PTCD3: variants seen among roughly 807,000 people sequenced by gnomAD.
The protein encoded by PTCD3 is pentatricopeptide repeat domain 3.
A neutral mutation model predicts 101.9 loss-of-function variants in PTCD3; 89 were observed. The observed-to-expected ratio is 0.87, with a 90% CI of 0.74 to 1.04. The LOEUF (loss-of-function observed/expected upper bound fraction) is 1.04. Ranked by LOEUF, PTCD3 falls within the 50% of genes least tolerant of loss-of-function variation. The pLI, the probability that PTCD3 is intolerant of heterozygous loss-of-function variation, is 0.00. For missense variants in PTCD3, 870 were observed against 828.2 expected (o/e 1.05, Z -0.62); for synonymous variants, 296 against 278.5 (o/e 1.06, Z -0.63).
intron 6 of PTCD3, 23 bp from the exon 7 acceptor site, chr2:86,118,898 C>T (rs747870829): frequency 1.9e-5 from 30 of 1,606,706 alleles, no homozygotes; most frequent in Non-Finnish European, 2.5e-5. Context: ...TTTGTAGTAA[C>T]TTTAGTCATC....
chr2:86,106,541 G>A (rs946020842), intron 1 of PTCD3, among the ~76,000 whole-genome samples, 190 bp downstream of exon 1: 21 of 152,222 alleles, frequency 1.4e-4, no homozygotes, highest in African/African-American at 4.6e-4. Flanking sequence ...TTATTCATTA[G>A]AGAAATACTT....
In PTCD3 at chr2:86,116,418, C is replaced by A. The variant is rs546277759; in HGVS notation, c.241-112C>A. On this transcript the variant is annotated intron_variant, in intron 4 of 23. Coordinates refer to ENST00000254630, the MANE Select transcript of PTCD3 (RefSeq NM_017952.6). ...CAGCTGTGGTGGCACACACCTGTAGCCTAGGCTACTTGGGAGGCTGAGGCA... is the reference window on the plus strand; with the variant it reads ...CAGCTGTGGTGGCACACACCTGTAGACTAGGCTACTTGGGAGGCTGAGGCA... 34 of 875,030 alleles carry A rather than the reference C, an allele frequency of 3.9e-5. 1 individual carries two copies. The South Asian group carries it at 5.1e-4, about 13-fold the overall frequency. 54.2% of individuals were successfully genotyped at this position (875,030 alleles called of 1,614,324 possible). A position where few individuals can be genotyped will look rare whatever the true frequency, so the allele number is the denominator to read the frequency against.
rs1260621467 is a variant in PTCD3, at chr2:86,119,006, A to G, written c.500A>G (p.Lys167Arg). ...GAACGAATTGAGCTCAGAAAAGTCA[A>G]AGCCTCTGTGGACATGTTTGATCAG... is the stretch of plus-strand genomic sequence containing the variant. ...LKERIELRKV[K>R]ASVDMFDQLL... Residue 167 changes from lysine to arginine, a missense_variant, in exon 7 of 24, where the codon AAA (lysine) becomes AGA (arginine). By Grantham distance (26) the Lys-to-Arg change is conservative (BLOSUM62 2). Transcript: ENST00000254630. 4 of 1,614,058 alleles carry G rather than the reference A, an allele frequency of 2.5e-6. No individual in the cohort carries two copies. The East Asian group carries it at 8.9e-5, about 36-fold the overall frequency.
chr2:86,130,958 A>G, intron 15 of PTCD3, 120 bp from the exon 16 acceptor site: 1 of 1,396,180 alleles, frequency 7.2e-7, no homozygotes, highest in Admixed American at 2.7e-5. Context: ...TTAAGTTTTT[A>G]TGTTCTTAGC....
At chr2:86,133,489 T>G in intron 19 of PTCD3, 53 bp downstream of exon 19, 2 of 1,461,624 alleles carry the variant, frequency 1.4e-6, no homozygotes. Context: ...TATCCTCTAC[T>G]TTGATAATGA....
chr2:86,114,215 A>G (rs1037002482), intron 4 of PTCD3, among the ~76,000 whole-genome samples: 3 of 152,152 alleles, frequency 2.0e-5, no homozygotes, highest in Non-Finnish European at 1.5e-5. Context: ...GTGTAGTTCT[A>G]GAGGGGAAGA....
Position 86,134,433 on chromosome 2 carries a change from C to T in PTCD3, c.1629+56C>T, listed in dbSNP as rs1674545907. The T allele has an allele frequency of 2.1e-6, 3 of 1,420,236 alleles. No individual in the cohort carries two copies. The African/African-American group carries it at 4.3e-5, about 20-fold the overall frequency. 88.0% of individuals were successfully genotyped at this position (1,420,236 alleles called of 1,614,324 possible). ...CTCCCATACTGAGGTCTTCTTAAGG[C>T]TAGCTTCCCTGGTTTTATCTGCCAT... On this transcript the variant is annotated intron_variant, in intron 20 of 23. Transcript: ENST00000254630.
intron 1 of PTCD3, 127 bp from the exon 2 acceptor site, chr2:86,108,223 C>A: frequency 9.8e-7 from 1 of 1,021,554 alleles, no homozygotes; most frequent in Non-Finnish European, 1.4e-6. Flanking sequence ...TCTCAGCGTT[C>A]ATTGACATGA....
chr2:86,122,030 C>T (rs555028123), intron 8 of PTCD3, among the ~76,000 whole-genome samples: 23 of 152,306 alleles, frequency 1.5e-4, no homozygotes, highest in Middle Eastern at 6.8e-3. Flanking sequence ...GCCTCTCTCT[C>T]GACTCGCGAA....
At chr2:86,108,170 G>C (rs1228818961) in intron 1 of PTCD3, among the ~76,000 whole-genome samples, 180 bp from the exon 2 acceptor site, 2 of 149,954 alleles carry the variant, frequency 1.3e-5, no homozygotes, top group Non-Finnish European at 3.0e-5. Flanking sequence ...TCCATATCTT[G>C]TATCCATTCC....
intron 4 of PTCD3, among the ~76,000 whole-genome samples, chr2:86,113,081 T>A (rs1372398329): frequency 6.6e-6 from 1 of 152,344 alleles, no homozygotes; most frequent in East Asian, 1.9e-4. Flanking sequence ...TCCTGACTTA[T>A]AAATTGGGGG....
At chr2:86,118,500 T>C (rs1340855383) in intron 6 of PTCD3, among the ~76,000 whole-genome samples, 2 of 152,178 alleles carry the variant, frequency 1.3e-5, no homozygotes, top group African/African-American at 4.8e-5. Context: ...GCCAGTGTGA[T>C]TGTGTAAGTC....
At chr2:86,132,510 C>G (rs1674511496) in intron 17 of PTCD3, 86 bp downstream of exon 17, 2 of 893,880 alleles carry the variant, frequency 2.2e-6, no homozygotes, top group Non-Finnish European at 1.8e-6. Flanking sequence ...TACCTCACCT[C>G]TGGTTTCAGG....
intron 12 of PTCD3, among the ~76,000 whole-genome samples, chr2:86,126,339 C>T (rs1674389633): frequency 6.6e-6 from 1 of 152,000 alleles, no homozygotes; most frequent in Admixed American, 6.6e-5. Flanking sequence ...ACCCTTTCCG[C>T]AGCCCTGGGA....
At chr2:86,123,596 T>C (rs1674333234) in intron 8 of PTCD3, 105 bp from the exon 9 acceptor site, 1 of 818,464 alleles carries the variant, frequency 1.2e-6, no homozygotes, top group Non-Finnish European at 1.9e-6. Flanking sequence ...CTATGTTTCC[T>C]TTATTTTTCT....
rs1673946217 is a variant in PTCD3 at position 86,106,356 on chromosome 2, G to A, written c.104+5G>A. The A allele has an allele frequency of 2.5e-6, 4 of 1,613,532 alleles. No homozygotes were observed. Among genetic ancestry groups the A allele is most frequent in the Non-Finnish European group, 3.4e-6 (4 of 1,179,800 alleles). On this transcript the variant is annotated splice_donor_5th_base_variant and intron_variant, in intron 1 of 23. Transcript: ENST00000254630. ...TGAACAGGCACGCAGCTGCAGGTAA[G>A]AGACGCTTAGGGTATCCGCGAAGAA...
chr2:86,107,996 T>C (rs1276790142), intron 1 of PTCD3, among the ~76,000 whole-genome samples: 1 of 152,168 alleles, frequency 6.6e-6, no homozygotes, highest in Non-Finnish European at 1.5e-5. Context: ...CATGGTGGCA[T>C]ATGCCTGTAG....
chr2:86,116,829 CTCAG>C (rs1488924098), intron 5 of PTCD3, among the ~76,000 whole-genome samples: 1 of 152,166 alleles, frequency 6.6e-6, no homozygotes, highest in Admixed American at 6.5e-5. Context: ...GAGTGACCCA[CTCAG>C]TTTAAATGGC....
chr2:86,115,546 C>A (rs1342878008), intron 4 of PTCD3, among the ~76,000 whole-genome samples: 3 of 152,186 alleles, frequency 2.0e-5, no homozygotes, highest in African/African-American at 7.2e-5. Context: ...ACACTGCCTC[C>A]AGGTTCCAGG....
Sources: allele counts gnomAD v4.1 joint callset (sites outside exome capture counted in the v4.1 genomes callset), GRCh38; gene constraint gnomAD v4.1.1; transcripts MANE v1.5; gene names NCBI Gene and HGNC (gene_info 2026-07-23, HGNC 2026-07-21).